Variants in CCDC73 observed in about 807,000 individuals in gnomAD.
The protein encoded by CCDC73 is coiled-coil domain-containing protein 73.
CCDC73 carries 95 observed loss-of-function variants against 116.5 expected under a neutral mutation model. That is an observed-to-expected ratio of 0.82 (90% CI 0.69 to 0.97). The LOEUF is 0.97. CCDC73 is among the 50% of genes least tolerant of loss of function. The pLI is 0.00. For synonymous variants in CCDC73, 398 were observed against 401.3 expected, an observed-to-expected ratio of 0.99 and a Z score of 0.10; for missense variants, 1,066 against 1,206.8, an observed-to-expected ratio of 0.88 and a Z score of 1.73.
chr11:32,824,778 A>G, the CCDC73 span, among the ~76,000 whole-genome samples: 2 of 152,164 alleles, frequency 1.3e-5, no homozygotes, highest in African/African-American at 4.8e-5. Context: ...TAAAATCCAT[A>G]TTTTATACTT....
the CCDC73 span, among the ~76,000 whole-genome samples, chr11:32,805,847 C>G: frequency 6.6e-6 from 1 of 152,312 alleles, no homozygotes; most frequent in East Asian, 1.9e-4. Context: ...GGAGACTCAA[C>G]TGGAGCTGAC....
chr11:32,707,144 G>T (rs896694588), intron 3 of CCDC73, among the ~76,000 whole-genome samples: 4 of 152,046 alleles, frequency 2.6e-5, no homozygotes, highest in Non-Finnish European at 5.9e-5. Context: ...AAAGCCAATA[G>T]TCCAAAGGCC....
At chr11:32,797,144 C>T (rs141739580), upstream of CCDC73, among the ~76,000 whole-genome samples, 92 of 152,008 alleles carry the variant, frequency 6.1e-4, no homozygotes, top group African/African-American at 2.1e-3. Context: ...TTTCTATCAG[C>T]AGTTAGAAAC....
chr11:32,627,714 G>T (rs1016012551), intron 14 of CCDC73, among the ~76,000 whole-genome samples: 36 of 152,078 alleles, frequency 2.4e-4, no homozygotes, highest in African/African-American at 2.9e-4. Context: ...GCAAACTATC[G>T]CAAGGACAAA....
intron 1 of CCDC73, among the ~76,000 whole-genome samples, chr11:32,769,659 G>A (rs1363799722): frequency 6.6e-6 from 1 of 152,066 alleles, no homozygotes; most frequent in Non-Finnish European, 1.5e-5. Context: ...CTATAGAGAG[G>A]GGAGAAATTG....
intron 9 of CCDC73, among the ~76,000 whole-genome samples, chr11:32,663,110 G>C (rs911494858): frequency 3.9e-5 from 6 of 152,204 alleles, no homozygotes; most frequent in Admixed American, 3.9e-4. Context: ...ATAGTTTGAA[G>C]TCAGGTAGTG....
At chr11:32,755,335 G>A (rs1590631253) in intron 2 of CCDC73, among the ~76,000 whole-genome samples, 2 of 144,240 alleles carry the variant, frequency 1.4e-5, no homozygotes, top group East Asian at 2.2e-4. Context: ...GGAGATCGAG[G>A]CCAGCCTGGC....
intron 3 of CCDC73, among the ~76,000 whole-genome samples, chr11:32,716,386 T>C (rs1228554207): frequency 2.6e-5 from 4 of 152,338 alleles, no homozygotes; most frequent in South Asian, 2.1e-4. Flanking sequence ...TAAATAACTA[T>C]GTATACTGCA....
chr11:32,740,945 G>A (rs114988693), intron 2 of CCDC73, among the ~76,000 whole-genome samples: 2,575 of 152,024 alleles, frequency 0.017, 76 homozygotes, highest in African/African-American at 0.057. Context: ...TGATCATTCA[G>A]GAGCATACTG....
chr11:32,717,707 A>T (rs1249520729), intron 3 of CCDC73, among the ~76,000 whole-genome samples: 1 of 152,258 alleles, frequency 6.6e-6, no homozygotes, highest in Non-Finnish European at 1.5e-5. Flanking sequence ...TCACTGTATT[A>T]GTTAGCTTTC....
chr11:32,742,842 A>C (rs1269786948), intron 2 of CCDC73, among the ~76,000 whole-genome samples: 1 of 152,148 alleles, frequency 6.6e-6, no homozygotes, highest in Non-Finnish European at 1.5e-5. Flanking sequence ...ATAAGGTGTA[A>C]GGAAGGGGTC....
chr11:32,713,258 C>T (rs1044033264), intron 3 of CCDC73, among the ~76,000 whole-genome samples: 13 of 152,066 alleles, frequency 8.5e-5, no homozygotes, highest in Non-Finnish European at 1.5e-4. Context: ...GTTAAACCAG[C>T]CCAGATGACA....
the CCDC73 span, among the ~76,000 whole-genome samples, chr11:32,803,265 A>G: frequency 6.6e-6 from 1 of 151,220 alleles, no homozygotes; most frequent in Non-Finnish European, 1.5e-5. Flanking sequence ...TAATTTTTGT[A>G]TTTTTAGTAG....
chr11:32,806,663 G>A, the CCDC73 span, among the ~76,000 whole-genome samples: 47 of 150,730 alleles, frequency 3.1e-4, no homozygotes, highest in Admixed American at 5.3e-4. Context: ...AGAAAGAAAC[G>A]AGAGAAAAGT....
chr11:32,638,039 A>C (rs11031911), intron 13 of CCDC73, among the ~76,000 whole-genome samples: 1 of 151,932 alleles, frequency 6.6e-6, no homozygotes, highest in Non-Finnish European at 1.5e-5. Context: ...AGTTATACCA[A>C]CCTGAGACTA....
the CCDC73 span, among the ~76,000 whole-genome samples, chr11:32,829,457 A>C: frequency 6.6e-6 from 1 of 152,360 alleles, no homozygotes; most frequent in Non-Finnish European, 1.5e-5. Flanking sequence ...ACCATTGGAG[A>C]ACCAATGTAA....
chr11:32,760,035 A>T, intron 2 of CCDC73, 74 bp downstream of exon 2: 1 of 1,281,830 alleles, frequency 7.8e-7, no homozygotes, highest in Non-Finnish European at 1.1e-6. Context: ...TAGGCTTTTT[A>T]TTCTTTAAAA....
intron 14 of CCDC73, among the ~76,000 whole-genome samples, chr11:32,618,682 A>G (rs1855496050): frequency 6.6e-6 from 1 of 152,128 alleles, no homozygotes; most frequent in African/African-American, 2.4e-5. Context: ...CCTCCCAAGC[A>G]GTTGGGAGTA....
chr11:32,749,330 T>G (rs1199908565), intron 2 of CCDC73, among the ~76,000 whole-genome samples: 1 of 152,094 alleles, frequency 6.6e-6, no homozygotes, highest in African/African-American at 2.4e-5. Flanking sequence ...TTCTTCAGTA[T>G]GTCAATTGCA....
Sources: allele counts gnomAD v4.1 joint callset (sites outside exome capture counted in the v4.1 genomes callset), GRCh38; gene constraint gnomAD v4.1.1; transcripts MANE v1.5; gene names NCBI Gene and HGNC (gene_info 2026-07-23, HGNC 2026-07-21).